Variants in SKAP2 observed in about 807,000 individuals in gnomAD.
SKAP2 encodes src kinase associated phosphoprotein 2.
A neutral mutation model predicts 54.9 loss-of-function variants in SKAP2; 28 were observed. The ratio of observed to expected loss-of-function variants is 0.51; its 90% CI spans 0.38 to 0.70. The LOEUF (loss-of-function observed/expected upper bound fraction) is 0.70, where lower values mean the gene tolerates loss of function less well. Ranked by LOEUF, SKAP2 falls within the 30% of genes least tolerant of loss-of-function variation. The pLI, the probability that SKAP2 is intolerant of heterozygous loss-of-function variation, is 0.00. For synonymous variants in SKAP2, 137 were observed against 134.3 expected (o/e 1.02, Z -0.14); for missense variants, 356 against 424.1 (o/e 0.84, Z 1.41).
chr7:26,696,975 CAT>C (rs1260914885), intron 9 of SKAP2, among the ~76,000 whole-genome samples: 4 of 151,948 alleles, frequency 2.6e-5, no homozygotes, highest in African/African-American at 7.3e-5. Context: ...TAATTTTTCA[CAT>C]AGACATATTT....
rs562549997 is a variant in SKAP2, at chr7:26,693,887, C to T, written c.797-3525G>A. Reference sequence around the variant, plus strand: ...ATGGTGTATGTTTTTGAATCTTAGGCAGGGAAAAAAACCTCAGACTGAACC... The same window carrying T: ...ATGGTGTATGTTTTTGAATCTTAGGTAGGGAAAAAAACCTCAGACTGAACC... On this transcript the variant is annotated intron_variant, in intron 9 of 12. Transcript: ENST00000345317. Among the ~76,000 whole-genome samples the T allele has an allele frequency of 2.6e-5, 4 of 151,722 alleles. No individual in the cohort carries two copies. The South Asian group carries it at 8.4e-4, about 32-fold the overall frequency.
At chr7:26,735,898 G>C (rs76634969) in intron 6 of SKAP2, among the ~76,000 whole-genome samples, 2,826 of 152,162 alleles carry the variant, frequency 0.019, 85 homozygotes, top group African/African-American at 0.064. Context: ...TAAAAGAGAG[G>C]AACTGGCTAA....
intron 4 of SKAP2, among the ~76,000 whole-genome samples, chr7:26,816,374 A>G (rs545050767): frequency 6.6e-6 from 1 of 152,174 alleles, no homozygotes; most frequent in African/African-American, 2.4e-5. Context: ...GCCTCCTATC[A>G]CTTATGAATA....
intron 5 of SKAP2, among the ~76,000 whole-genome samples, chr7:26,739,234 C>T (rs1168676395): frequency 6.6e-6 from 1 of 152,170 alleles, no homozygotes; most frequent in African/African-American, 2.4e-5. Context: ...TTTCTGTTAT[C>T]TCTTTCAGTT....
chr7:26,680,451 A>T (rs1786466690), intron 11 of SKAP2, among the ~76,000 whole-genome samples: 1 of 152,220 alleles, frequency 6.6e-6, no homozygotes, highest in Admixed American at 6.5e-5. Context: ...AAACAACCCA[A>T]TTTCTTAAGG....
chr7:26,771,171 CTTG>C (rs1783181378), intron 4 of SKAP2, among the ~76,000 whole-genome samples: 1 of 152,144 alleles, frequency 6.6e-6, no homozygotes, highest in African/African-American at 2.4e-5. Context: ...AGTGTTACAA[CTTG>C]TTAATATGCC....
chr7:26,704,242 TC>T (rs1173991740), intron 9 of SKAP2, among the ~76,000 whole-genome samples: 2 of 152,232 alleles, frequency 1.3e-5, no homozygotes, highest in African/African-American at 4.8e-5. Context: ...CTTCCATTTT[TC>T]TTCCAGTTGA....
chr7:26,848,966 T>G (rs1383392071), intron 3 of SKAP2, among the ~76,000 whole-genome samples: 2 of 152,202 alleles, frequency 1.3e-5, no homozygotes, highest in Non-Finnish European at 2.9e-5. Context: ...AATATACTTC[T>G]ACTACTACAG....
rs1562632766 is a variant in SKAP2 at position 26,844,054 on chromosome 7, TATC to T, written c.280_282del (p.Asp94del). ...CCATCAGAGGGGGCTTCATCGTCTT[TATC>T]ATATCGTTCTGAGGCTAATGAAATA... is the stretch of plus-strand genomic sequence containing the variant. On this transcript the variant is annotated inframe_deletion, in exon 4 of 13. Coordinates refer to ENST00000345317, the MANE Select transcript of SKAP2 (RefSeq NM_003930.5). 1.2e-6 allele frequency: 2 copies of T among 1,611,194 alleles called. No individual in the cohort carries two copies. Among genetic ancestry groups the T allele is most frequent in the African/African-American group, 2.7e-5 (2 of 74,806 alleles).
At chr7:26,741,610 T>C (rs929803624) in intron 4 of SKAP2, among the ~76,000 whole-genome samples, 4 of 151,776 alleles carry the variant, frequency 2.6e-5, no homozygotes, top group African/African-American at 9.7e-5. Context: ...ACAAATATAA[T>C]TGGATTCTTT....
intron 4 of SKAP2, among the ~76,000 whole-genome samples, chr7:26,765,109 G>T (rs1212816330): frequency 6.6e-6 from 1 of 151,996 alleles, no homozygotes. Flanking sequence ...GTATAAAAGC[G>T]TTCCTATTTC....
Position 26,676,095 on chromosome 7 carries a change from T to C in SKAP2, c.988-5903A>G, listed in dbSNP as rs556083429. On this transcript the variant is annotated intron_variant, in intron 11 of 12. Coordinates refer to ENST00000345317, the MANE Select transcript of SKAP2 (RefSeq NM_003930.5). Reference sequence around the variant, plus strand: ...ATATTTATATTCTTCATTGAGACTCTACAATAGTGCACTTAGGTACTTAAT... The same window carrying C: ...ATATTTATATTCTTCATTGAGACTCCACAATAGTGCACTTAGGTACTTAAT... Among the ~76,000 whole-genome samples, 46 of 152,358 alleles carry C rather than the reference T, an allele frequency of 3.0e-4. 1 individual carries two copies. Among genetic ancestry groups the C allele is most frequent in the African/African-American group, 8.7e-4 (36 of 41,600 alleles).
At position 26,779,387 on chromosome 7, in the gene SKAP2, G is replaced by A. The variant is rs954854518; in HGVS notation, c.308-39423C>T. Among the ~76,000 whole-genome samples the A allele has an allele frequency of 8.6e-5, 13 of 151,956 alleles. No individual in the cohort carries two copies. In the East Asian group the frequency reaches 1.5e-3, roughly 18 times the overall value. On this transcript the variant is annotated intron_variant, in intron 4 of 12. Transcript: ENST00000345317. ...ATAATTCCATTCATTTTATAAGTAGGTCTCTATGTTACAGATGGGAAAAAT... is the reference window on the plus strand; with the variant it reads ...ATAATTCCATTCATTTTATAAGTAGATCTCTATGTTACAGATGGGAAAAAT...
chr7:26,753,445 C>G (rs11773029), intron 4 of SKAP2, among the ~76,000 whole-genome samples: 2 of 151,968 alleles, frequency 1.3e-5, no homozygotes, highest in South Asian at 4.1e-4. Context: ...TCTAAGCTAA[C>G]GTTCACTGCA....
intron 4 of SKAP2, among the ~76,000 whole-genome samples, chr7:26,746,144 T>C (rs1782556469): frequency 6.6e-6 from 1 of 152,202 alleles, no homozygotes; most frequent in African/African-American, 2.4e-5. Context: ...GTCCACTATC[T>C]TAGTGACATT....
At chr7:26,711,298 T>G (rs1214906899) in intron 9 of SKAP2, among the ~76,000 whole-genome samples, 1 of 152,210 alleles carries the variant, frequency 6.6e-6, no homozygotes, top group Non-Finnish European at 1.5e-5. Flanking sequence ...TTTCTATAGT[T>G]AGATTTCATA....
intron 4 of SKAP2, among the ~76,000 whole-genome samples, chr7:26,786,389 G>C (rs750880438): frequency 6.6e-6 from 1 of 152,174 alleles, no homozygotes; most frequent in Non-Finnish European, 1.5e-5. Context: ...GATTATTTCA[G>C]ATAATGGCAA....
intron 9 of SKAP2, among the ~76,000 whole-genome samples, chr7:26,711,844 C>A (rs912310738): frequency 6.6e-6 from 1 of 152,190 alleles, no homozygotes; most frequent in African/African-American, 2.4e-5. Flanking sequence ...GAGATACACA[C>A]ACAGGAAGTG....
intron 4 of SKAP2, among the ~76,000 whole-genome samples, chr7:26,809,747 C>T (rs1374953779): frequency 1.3e-5 from 2 of 152,200 alleles, no homozygotes; most frequent in South Asian, 4.1e-4. Context: ...AGTAATCCCA[C>T]TTCTGGGAAT....
Sources: allele counts gnomAD v4.1 joint callset (sites outside exome capture counted in the v4.1 genomes callset), GRCh38; gene constraint gnomAD v4.1.1; transcripts MANE v1.5; gene names NCBI Gene and HGNC (gene_info 2026-07-23, HGNC 2026-07-21).